Variants in KCNH5 observed in about 807,000 individuals in gnomAD.
The protein encoded by KCNH5 is voltage-gated delayed rectifier potassium channel KCNH5.
KCNH5 carries 46 observed loss-of-function variants against 96.1 expected under a neutral mutation model. That is an observed-to-expected ratio of 0.48 (90% CI 0.38 to 0.61). The LOEUF (loss-of-function observed/expected upper bound fraction) is 0.61, where lower values mean the gene tolerates loss of function less well. KCNH5 is among the 20% of genes least tolerant of loss of function. KCNH5 has a pLI of 0.00. For missense variants in KCNH5, 907 were observed against 1,225.8 expected (o/e 0.74, Z 3.88); for synonymous variants, 439 against 449.8 (o/e 0.98, Z 0.30).
intron 6 of KCNH5, among the ~76,000 whole-genome samples, chr14:62,979,300 A>C (rs1003107153): frequency 6.6e-5 from 10 of 152,182 alleles, no homozygotes; most frequent in Admixed American, 4.6e-4. Context: ...TGAAAAAAAA[A>C]ATCTTTAAAA....
chr14:62,854,058 G>A (rs1887882874), intron 7 of KCNH5, among the ~76,000 whole-genome samples: 1 of 150,820 alleles, frequency 6.6e-6, no homozygotes, highest in African/African-American at 2.4e-5. Context: ...CATCACTGAG[G>A]CCTTCCCTGA....
intron 10 of KCNH5, among the ~76,000 whole-genome samples, chr14:62,778,237 G>A (rs530551514): frequency 1.2e-4 from 18 of 152,258 alleles, no homozygotes; most frequent in East Asian, 3.9e-4. Context: ...CTTACATACC[G>A]AAGTCCTGCT....
At chr14:62,871,690 T>C (rs1240273400) in intron 7 of KCNH5, among the ~76,000 whole-genome samples, 2 of 152,132 alleles carry the variant, frequency 1.3e-5, no homozygotes, top group Non-Finnish European at 2.9e-5. Flanking sequence ...TTATAGCTTG[T>C]TATGATATGT....
chr14:62,724,305 T>C (rs1338683664), intron 10 of KCNH5, among the ~76,000 whole-genome samples: 1 of 152,190 alleles, frequency 6.6e-6, no homozygotes, highest in Admixed American at 6.5e-5. Flanking sequence ...TAACTAGCTA[T>C]GTGATCACTA....
intron 8 of KCNH5, among the ~76,000 whole-genome samples, chr14:62,845,626 G>C (rs148258912): frequency 0.028 from 4,291 of 152,274 alleles, 94 homozygotes; most frequent in South Asian, 0.057. Context: ...GTGATAGAAG[G>C]TGAATGAAGG....
At chr14:63,033,898 C>A (rs1258746440) in intron 1 of KCNH5, among the ~76,000 whole-genome samples, 1 of 151,822 alleles carries the variant, frequency 6.6e-6, no homozygotes, top group South Asian at 2.1e-4. Flanking sequence ...GAATTTAAAT[C>A]ATGCAGTCTG....
chr14:62,810,616 T>C (rs182681113), intron 8 of KCNH5, among the ~76,000 whole-genome samples: 1 of 152,200 alleles, frequency 6.6e-6, no homozygotes, highest in East Asian at 1.9e-4. Flanking sequence ...CTGATCATCC[T>C]CACTACTACA....
At chr14:62,726,481 T>C (rs920983126) in intron 10 of KCNH5, among the ~76,000 whole-genome samples, 1 of 152,118 alleles carries the variant, frequency 6.6e-6, no homozygotes, top group Non-Finnish European at 1.5e-5. Context: ...AAAATGAGCA[T>C]TTTACCACAA....
intron 7 of KCNH5, among the ~76,000 whole-genome samples, chr14:62,852,650 T>C (rs1019997529): frequency 6.6e-6 from 1 of 151,028 alleles, no homozygotes; most frequent in African/African-American, 2.5e-5. Context: ...CTTCGGTGTA[T>C]AGTTTTATAA....
intron 6 of KCNH5, among the ~76,000 whole-genome samples, chr14:62,974,465 C>G (rs1288954487): frequency 1.3e-5 from 2 of 152,180 alleles, no homozygotes; most frequent in African/African-American, 4.8e-5. Context: ...CTTTTACCCT[C>G]TGTTTACAGC....
At chr14:62,853,796 C>A (rs1462763945) in intron 7 of KCNH5, among the ~76,000 whole-genome samples, 1 of 151,636 alleles carries the variant, frequency 6.6e-6, no homozygotes, top group Non-Finnish European at 1.5e-5. Context: ...ATCACAAGGT[C>A]AGGAGTTCAA....
chr14:62,727,782 A>G (rs960464966), intron 10 of KCNH5, among the ~76,000 whole-genome samples: 2 of 151,560 alleles, frequency 1.3e-5, no homozygotes, highest in Non-Finnish European at 2.9e-5. Context: ...TGGTAAAAAA[A>G]AAAAAAAAAA....
intron 4 of KCNH5, among the ~76,000 whole-genome samples, chr14:62,999,048 C>T (rs750823571): frequency 1.3e-4 from 20 of 152,114 alleles, no homozygotes; most frequent in Non-Finnish European, 2.6e-4. Flanking sequence ...TGGGTATATA[C>T]CCTGTAATGG....
At chr14:62,832,665 T>C (rs1240256622) in intron 8 of KCNH5, among the ~76,000 whole-genome samples, 1 of 152,194 alleles carries the variant, frequency 6.6e-6, no homozygotes, top group Non-Finnish European at 1.5e-5. Flanking sequence ...TATTTTAATT[T>C]TTTGAAGAAA....
At chr14:62,908,648 A>G (rs1175079427) in intron 7 of KCNH5, among the ~76,000 whole-genome samples, 1 of 152,044 alleles carries the variant, frequency 6.6e-6, no homozygotes, top group Non-Finnish European at 1.5e-5. Flanking sequence ...AACACTTCAC[A>G]TGTGTCCAGC....
chr14:62,915,968 T>A (rs1889266189), intron 7 of KCNH5, among the ~76,000 whole-genome samples: 1 of 150,882 alleles, frequency 6.6e-6, no homozygotes, highest in South Asian at 2.1e-4. Flanking sequence ...TTCTTTTTTT[T>A]TTTTGAGATG....
intron 8 of KCNH5, among the ~76,000 whole-genome samples, chr14:62,846,877 T>A (rs1417255468): frequency 1.5e-5 from 2 of 133,352 alleles, no homozygotes; most frequent in South Asian, 5.2e-4. Flanking sequence ...CTCAGCTCAC[T>A]GCAAGCTCCG....
intron 7 of KCNH5, among the ~76,000 whole-genome samples, chr14:62,850,371 G>T (rs1405385280): frequency 6.6e-6 from 1 of 152,148 alleles, no homozygotes; most frequent in Admixed American, 6.5e-5. Context: ...TTAGGGAGTG[G>T]AGACAAATTA....
At chr14:62,744,178 A>G (rs765651999) in intron 10 of KCNH5, among the ~76,000 whole-genome samples, 1 of 152,190 alleles carries the variant, frequency 6.6e-6, no homozygotes, top group Non-Finnish European at 1.5e-5. Context: ...TACGGGATGT[A>G]TTATATATAA....
Sources: gnomAD v4.1 joint callset for allele counts (sites outside exome capture counted in the v4.1 genomes callset) on GRCh38, gnomAD v4.1.1 for gene constraint, MANE v1.5 for transcripts, NCBI Gene and HGNC (gene_info 2026-07-23, HGNC 2026-07-21) for gene names.